TFCP2L1: variants seen among roughly 807,000 people sequenced by gnomAD.
TFCP2L1 encodes transcription factor CP2-like protein 1.
A neutral mutation model predicts 72.2 loss-of-function variants in TFCP2L1; 12 were observed. That is an observed-to-expected ratio of 0.17 (90% CI 0.11 to 0.27). The LOEUF is 0.27. Among genes scored for constraint, TFCP2L1 ranks in the 10% least tolerant of loss-of-function variants. The pLI is 1.00. For missense variants in TFCP2L1, 488 were observed against 624.6 expected, an observed-to-expected ratio of 0.78 and a Z score of 2.33; for synonymous variants, 260 against 251.0, an observed-to-expected ratio of 1.04 and a Z score of -0.34.
rs777828678 is a variant in TFCP2L1 at position 121,239,562 on chromosome 2, C to T, written c.856G>A (p.Glu286Lys). 23 of 1,614,156 alleles carry T rather than the reference C, an allele frequency of 1.4e-5. No homozygotes were observed. Among genetic ancestry groups the T allele is most frequent in the Middle Eastern group, 1.6e-4 (1 of 6,062 alleles). The part of the protein sequence containing the change: ...NGSPNSFGLG[E>K]GNASPTHPVE... Reference sequence around the variant, plus strand: ...AGAAAGAGAGGTGGGACGTACCCTTCGCCGAGGCCAAAGCTGTTTGGAGAA... The same window carrying T: ...AGAAAGAGAGGTGGGACGTACCCTTTGCCGAGGCCAAAGCTGTTTGGAGAA... The change falls in exon 8 of 15, where the codon GAA becomes AAA. Residue 286 changes from glutamate (E) to lysine (K), a missense_variant. Around this residue, in one of 3 missense-constraint regions of TFCP2L1, gnomAD observed 286 missense variants for 329.0 expected, o/e 0.87. Transcript: ENST00000263707.
At chr2:121,224,865 G>T (rs201418981) in intron 14 of TFCP2L1, among the ~76,000 whole-genome samples, 1 of 139,424 alleles carries the variant, frequency 7.2e-6, no homozygotes, top group East Asian at 2.1e-4. Context: ...GGCGCCTGTA[G>T]TCCCAGCTAC....
intron 14 of TFCP2L1, among the ~76,000 whole-genome samples, chr2:121,224,643 G>C (rs559634639): frequency 6.6e-6 from 1 of 152,286 alleles, no homozygotes; most frequent in Non-Finnish European, 1.5e-5. Flanking sequence ...GGAGGATTTG[G>C]ACAACTGTGG....
rs1376996825 is a variant in TFCP2L1 at position 121,222,953 on chromosome 2, A to G, written c.*1388T>C. 1.3e-5 allele frequency: 2 copies of G among 152,184 alleles called. No homozygotes were observed. The highest frequency in any genetic ancestry group is 2.9e-5 in the Non-Finnish European group (2 of 68,030). 9.4% of individuals were successfully genotyped at this position (152,184 alleles called of 1,614,324 possible). On this transcript the variant is annotated 3_prime_UTR_variant, in exon 15 of 15. Transcript: ENST00000263707. ...ATTCCGAGATGTCCTGGTTTATATG[A>G]TAAATTTATATCGCTACCCTATCAC...
intron 7 of TFCP2L1, chr2:121,239,990 A>G: frequency 1.0e-6 from 1 of 966,320 alleles, no homozygotes; most frequent in African/African-American, 1.8e-5. Flanking sequence ...AGTTGTTCAC[A>G]AACAGCTTTT....
At chr2:121,228,964 G>A (rs977014685) in intron 13 of TFCP2L1, among the ~76,000 whole-genome samples, 1 of 151,800 alleles carries the variant, frequency 6.6e-6, no homozygotes, top group Non-Finnish European at 1.5e-5. Flanking sequence ...CTGTTGCCCC[G>A]GCTGGAGTGC....
intron 2 of TFCP2L1, 108 bp from the exon 3 acceptor site, chr2:121,249,755 G>T: frequency 9.2e-7 from 1 of 1,088,352 alleles, no homozygotes; most frequent in Non-Finnish European, 1.4e-6. Flanking sequence ...AGGCCTCAAG[G>T]CCCTGGGGAG....
chr2:121,239,296 G>A (rs1379105732), intron 8 of TFCP2L1, among the ~76,000 whole-genome samples: 1 of 152,206 alleles, frequency 6.6e-6, no homozygotes, highest in Non-Finnish European at 1.5e-5. Flanking sequence ...AGGCTGTCTT[G>A]GGTGGCTGAC....
intron 2 of TFCP2L1, among the ~76,000 whole-genome samples, chr2:121,264,705 T>C (rs1445426487): frequency 6.6e-6 from 1 of 152,128 alleles, no homozygotes; most frequent in African/African-American, 2.4e-5. Flanking sequence ...TCCCCAACAT[T>C]TGAGCCCCTG....
At chr2:121,264,152 A>C (rs1686883749) in intron 2 of TFCP2L1, among the ~76,000 whole-genome samples, 1 of 152,150 alleles carries the variant, frequency 6.6e-6, no homozygotes, top group East Asian at 1.9e-4. Flanking sequence ...TGGCCACATC[A>C]ATTGACCCCA....
chr2:121,269,198 G>C (rs1004308018), intron 2 of TFCP2L1, among the ~76,000 whole-genome samples: 2 of 152,052 alleles, frequency 1.3e-5, no homozygotes, highest in Non-Finnish European at 2.9e-5. Context: ...TGTAATCCTA[G>C]CACTTTGGGA....
intron 6 of TFCP2L1, among the ~76,000 whole-genome samples, chr2:121,246,547 C>T (rs1177004326): frequency 2.6e-5 from 4 of 152,142 alleles, no homozygotes; most frequent in African/African-American, 7.2e-5. Flanking sequence ...CGCCGAGGAC[C>T]GACAGCCAGG....
Position 121,285,117 on chromosome 2 carries a change from A to G in TFCP2L1, c.-8T>C. The stretch of plus-strand genomic sequence containing the variant: ...CGTGTGCCAGAAGAGCATGGCTGGA[A>G]CTCCCAGCGCGCCGACCGGGGCGCG... On this transcript the variant is annotated 5_prime_UTR_variant, in exon 1 of 15. Transcript: ENST00000263707. The G allele has an allele frequency of 1.3e-6, 2 of 1,496,558 alleles. No homozygotes were observed. The highest frequency in any genetic ancestry group is 1.8e-6 in the Non-Finnish European group (2 of 1,122,208). 92.7% of individuals were successfully genotyped at this position (1,496,558 alleles called of 1,614,324 possible). A position where few individuals can be genotyped will look rare whatever the true frequency, so the allele number is the denominator to read the frequency against.
intron 2 of TFCP2L1, among the ~76,000 whole-genome samples, chr2:121,270,009 A>G (rs1687015333): frequency 6.6e-6 from 1 of 151,756 alleles, no homozygotes; most frequent in African/African-American, 2.4e-5. Context: ...AGTACATATT[A>G]TAATATCCCA....
intron 2 of TFCP2L1, among the ~76,000 whole-genome samples, chr2:121,255,367 T>TG (rs1336104176): frequency 4.6e-5 from 7 of 150,842 alleles, no homozygotes; most frequent in Non-Finnish European, 8.9e-5. Flanking sequence ...TTGTAAAATG[T>TG]GGGGGGGAGG....
chr2:121,264,764 G>T (rs1264331037), intron 2 of TFCP2L1, among the ~76,000 whole-genome samples: 1 of 152,176 alleles, frequency 6.6e-6, no homozygotes, highest in Non-Finnish European at 1.5e-5. Flanking sequence ...TGCTTTATGA[G>T]GCTGGCAGAT....
chr2:121,281,860 T>C (rs1687269583), intron 1 of TFCP2L1, among the ~76,000 whole-genome samples: 1 of 148,016 alleles, frequency 6.8e-6, no homozygotes, highest in Admixed American at 7.0e-5. Flanking sequence ...TTCAGGGTCA[T>C]TCTAATCTGT....
chr2:121,283,588 T>C (rs182907267), intron 1 of TFCP2L1, among the ~76,000 whole-genome samples: 26 of 152,294 alleles, frequency 1.7e-4, no homozygotes, highest in African/African-American at 6.0e-4. Flanking sequence ...CAAACTTCCA[T>C]CTCGGTAGCA....
At chr2:121,238,058 G>C (rs1389442373) in intron 8 of TFCP2L1, among the ~76,000 whole-genome samples, 1 of 152,142 alleles carries the variant, frequency 6.6e-6, no homozygotes, top group East Asian at 1.9e-4. Flanking sequence ...CTTCATTGTA[G>C]ACAGCAAGTT....
intron 2 of TFCP2L1, among the ~76,000 whole-genome samples, chr2:121,278,358 C>A (rs1687189400): frequency 1.3e-5 from 2 of 149,662 alleles, no homozygotes; most frequent in Non-Finnish European, 3.0e-5. Context: ...TTTAACTGAT[C>A]TATGAGAGGA....
Sources: allele counts gnomAD v4.1 joint callset (sites outside exome capture counted in the v4.1 genomes callset), GRCh38; gene constraint gnomAD v4.1.1; regional missense constraint gnomAD v4.1.1; transcripts MANE v1.5; gene names NCBI Gene and HGNC (gene_info 2026-07-23, HGNC 2026-07-21).